FUT8: variants seen among roughly 807,000 people sequenced by gnomAD.
FUT8 encodes alpha-(1,6)-fucosyltransferase.
FUT8 carries 29 observed loss-of-function variants against 71.3 expected under a neutral mutation model. The ratio of observed to expected loss-of-function variants is 0.41; its 90% CI spans 0.30 to 0.55. The LOEUF is 0.55. Ranked by LOEUF, FUT8 falls within the 20% of genes least tolerant of loss-of-function variation. FUT8 has a pLI of 0.34. For missense variants in FUT8, 544 were observed against 702.1 expected, an observed-to-expected ratio of 0.77 and a Z score of 2.55; for synonymous variants, 254 against 239.3, an observed-to-expected ratio of 1.06 and a Z score of -0.57.
At chr14:65,584,020 C>T (rs1028461291) in intron 3 of FUT8, among the ~76,000 whole-genome samples, 5 of 151,768 alleles carry the variant, frequency 3.3e-5, no homozygotes, top group Admixed American at 2.0e-4. Flanking sequence ...GCTGGGACTA[C>T]AGGCGCGTGC....
chr14:65,538,662 G>A (rs1484544329), intron 2 of FUT8, among the ~76,000 whole-genome samples: 1 of 152,240 alleles, frequency 6.6e-6, no homozygotes, highest in Non-Finnish European at 1.5e-5. Context: ...GCTCACGCCT[G>A]TAATCCCAGT....
At chr14:65,400,100 GT>G in the FUT8 span, among the ~76,000 whole-genome samples, 1 of 152,158 alleles carries the variant, frequency 6.6e-6, no homozygotes, top group East Asian at 1.9e-4. Context: ...AGAACATTGG[GT>G]TTAGGATTGG....
intron 3 of FUT8, among the ~76,000 whole-genome samples, chr14:65,608,990 G>A (rs938846703): frequency 1.3e-5 from 2 of 151,628 alleles, no homozygotes; most frequent in Non-Finnish European, 2.9e-5. Context: ...TTTAACAGAT[G>A]TAGGATTTAA....
chr14:65,421,368 G>T (rs1328229519), intron 1 of FUT8, among the ~76,000 whole-genome samples: 2 of 152,182 alleles, frequency 1.3e-5, no homozygotes, highest in African/African-American at 2.4e-5. Context: ...AGAGGTGGAA[G>T]GGGGAAGGGG....
intron 1 of FUT8, among the ~76,000 whole-genome samples, chr14:65,424,071 C>T (rs2065344994): frequency 6.6e-6 from 1 of 152,208 alleles, no homozygotes; most frequent in Non-Finnish European, 1.5e-5. Flanking sequence ...GCACTTCCGG[C>T]ATCACTAGTG....
At position 65,627,304 on chromosome 14, in the gene FUT8, G is replaced by A. The variant is rs748603316; in HGVS notation, c.483-2188G>A. On this transcript the variant is annotated intron_variant, in intron 5 of 10. Coordinates refer to ENST00000673929, the MANE Select transcript of FUT8 (RefSeq NM_001371533.1). The surrounding 1 kb of genome is among the most constrained non-coding windows in gnomAD (Gnocchi z 4.0). The stretch of plus-strand genomic sequence containing the variant: ...AATCCATACGGGCCTGCAGCAGCTC[G>A]ATTCTTGCTTCCTTGGAGGAAATAA... 1.1e-3 allele frequency among the ~76,000 whole-genome samples: 162 copies of A among 152,292 alleles called. No homozygotes were observed. The highest frequency in any genetic ancestry group is 2.7e-3 in the Admixed American group (41 of 15,294).
intron 1 of FUT8, among the ~76,000 whole-genome samples, chr14:65,437,570 A>G (rs2065580837): frequency 1.3e-5 from 2 of 152,222 alleles, no homozygotes; most frequent in Admixed American, 1.3e-4. Context: ...GGTCGTAGAA[A>G]TGCAATTTAC....
At chr14:65,357,844 G>T in the FUT8 span, among the ~76,000 whole-genome samples, 1 of 152,202 alleles carries the variant, frequency 6.6e-6, no homozygotes, top group African/African-American at 2.4e-5. Flanking sequence ...TGGTGGTAAT[G>T]GTGGTTTGAC....
At position 65,445,870 on chromosome 14, in the gene FUT8, C is replaced by A. The variant is rs553291768; in HGVS notation, c.-325-9751C>A. ...TTTGAACTCCTAGGCTCAGGTGATC[C>A]CCCTGCCTTGGCCTCCCAAAGTGTT... On this transcript the variant is annotated intron_variant, in intron 1 of 10. Transcript: ENST00000673929. 3.6e-4 allele frequency among the ~76,000 whole-genome samples: 55 copies of A among 152,318 alleles called. 2 individuals carry two copies. The South Asian group carries it at 5.0e-3, about 14-fold the overall frequency.
At chr14:65,516,368 G>A (rs529479630) in intron 2 of FUT8, 93 of 152,274 alleles carry the variant, frequency 6.1e-4, no homozygotes, top group African/African-American at 2.1e-3. Context: ...GTGCGGACAA[G>A]CTTCTGTCGA....
chr14:65,721,826 G>A lies in FUT8; in HGVS notation c.887G>A (p.Ser296Asn). Residue 296 changes from serine (S) to asparagine (N), a missense_variant, in exon 8 of 11, where the codon AGT becomes AAT. By Grantham distance (46) the Ser-to-Asn change is conservative. Coordinates refer to ENST00000673929, the MANE Select transcript of FUT8 (RefSeq NM_001371533.1). ...VQVVELPIVD[S>N]LHPRPPYLPL... ...GTGGTCGAGCTTCCCATTGTAGACA[G>A]TCTTCATCCCCGTCCTCCATATTTA... 6.2e-7 allele frequency: 1 copy of A among 1,614,202 alleles called. No individual in the cohort carries two copies. Among genetic ancestry groups the A allele is most frequent in the South Asian group, 1.1e-5 (1 of 91,078 alleles).
In FUT8 at chr14:65,574,968, A is replaced by G. The variant is rs779246485; in HGVS notation, c.203+13202A>G. On this transcript the variant is annotated intron_variant, in intron 3 of 10. Coordinates refer to ENST00000673929, the MANE Select transcript of FUT8 (RefSeq NM_001371533.1). The surrounding 1 kb of genome is among the most constrained non-coding windows in gnomAD (Gnocchi z 5.2). ...TTAATATTGTATACTCTTTTTGTGG[A>G]TGATGGCTTTGGTTACTGGATTCCA... 6.6e-6 allele frequency among the ~76,000 whole-genome samples: 1 copy of G among 152,152 alleles called. No homozygotes were observed. Among genetic ancestry groups the G allele is most frequent in the African/African-American group, 2.4e-5 (1 of 41,438 alleles).
intron 6 of FUT8, among the ~76,000 whole-genome samples, chr14:65,639,717 G>GTGGACC (rs1890738920): frequency 6.6e-6 from 1 of 151,956 alleles, no homozygotes; most frequent in African/African-American, 2.4e-5. Context: ...ATAAGAGCTG[G>GTGGACC]TGGACCCTTT....
chr14:65,539,737 G>T (rs1160790500), intron 2 of FUT8, among the ~76,000 whole-genome samples: 13 of 152,160 alleles, frequency 8.5e-5, no homozygotes, highest in South Asian at 8.3e-4. Context: ...AAAACACTTT[G>T]TACAGGTTCC....
intron 2 of FUT8, among the ~76,000 whole-genome samples, chr14:65,507,393 C>A (rs1322127429): frequency 6.6e-6 from 1 of 152,160 alleles, no homozygotes. Context: ...CTGTCAAATA[C>A]TAGGTCTTAT....
At chr14:65,665,628 T>C (rs976310694) in intron 6 of FUT8, among the ~76,000 whole-genome samples, 4 of 152,150 alleles carry the variant, frequency 2.6e-5, no homozygotes, top group Non-Finnish European at 4.4e-5. Flanking sequence ...AAGATACATG[T>C]ATGCATATGT....
chr14:65,632,999 TCCCCTCCCC>T (rs1890277136), intron 6 of FUT8, among the ~76,000 whole-genome samples: 1 of 100,776 alleles, frequency 9.9e-6, no homozygotes, highest in Admixed American at 9.9e-5. Context: ...CTCTCCCCTC[TCCCCTCCCC>T]CCCCCCGTCT....
intron 6 of FUT8, among the ~76,000 whole-genome samples, chr14:65,633,863 CA>C (rs1458986343): frequency 6.6e-6 from 1 of 151,388 alleles, no homozygotes; most frequent in Non-Finnish European, 1.5e-5. Flanking sequence ...GGTCAGCCCC[CA>C]CTCGGCCAGC....
At chr14:65,738,796 C>G (rs1474767368) in intron 10 of FUT8, among the ~76,000 whole-genome samples, 2 of 152,060 alleles carry the variant, frequency 1.3e-5, no homozygotes, top group African/African-American at 4.8e-5. Flanking sequence ...TTGATATAGA[C>G]AGTTTTAAAA....
Sources: allele counts gnomAD v4.1 joint callset (sites outside exome capture counted in the v4.1 genomes callset), GRCh38; gene constraint gnomAD v4.1.1; non-coding constraint Gnocchi (gnomAD v3.1); transcripts MANE v1.5; gene names NCBI Gene and HGNC (gene_info 2026-07-23, HGNC 2026-07-21).